The following HLA-DRB1 variants were observed in gnomAD, a reference collection of about 807,000 sequenced individuals.
The protein encoded by HLA-DRB1 is major histocompatibility complex, class II, DR beta 1.
In HLA-DRB1, 10 loss-of-function variants were observed where a neutral mutation model predicts 27.9. That is an observed-to-expected ratio of 0.36 (90% confidence interval 0.22 to 0.61). The LOEUF (loss-of-function observed/expected upper bound fraction) is 0.61, where lower values mean the gene tolerates loss of function less well. Among genes scored for constraint, HLA-DRB1 ranks in the 20% least tolerant of loss-of-function variants. HLA-DRB1 has a pLI of 0.73. For missense variants in HLA-DRB1, 118 were observed against 306.3 expected (o/e 0.39, Z 4.59); for synonymous variants, 57 against 126.7 (o/e 0.45, Z 3.69).
At chr6:32,580,519 G>C (rs28732261) in intron 4 of HLA-DRB1, among the ~76,000 whole-genome samples, 10,223 of 105,046 alleles carry the variant, frequency 0.097, 839 homozygotes, top group East Asian at 0.12. Flanking sequence ...CAAACCAAAG[G>C]ACCCCTACTT....
chr6:32,583,647 A>T (rs28724061), intron 2 of HLA-DRB1, among the ~76,000 whole-genome samples: 21 of 60,168 alleles, frequency 3.5e-4, no homozygotes, highest in South Asian at 1.7e-3. Context: ...GAGAGTCTGG[A>T]ACTGGCCTCC....
chr6:32,588,154 T>A (rs28724171), intron 1 of HLA-DRB1, among the ~76,000 whole-genome samples: 4,253 of 121,212 alleles, frequency 0.035, no homozygotes, highest in Admixed American at 0.069. Flanking sequence ...GAAATTTTTT[T>A]ATTAAGAGTC....
intron 1 of HLA-DRB1, among the ~76,000 whole-genome samples, chr6:32,586,921 C>G (rs117528258): frequency 0.095 from 9,079 of 95,286 alleles, 173 homozygotes; most frequent in Middle Eastern, 0.2. Flanking sequence ...AAATACATGC[C>G]AAGTCTGTCC....
At position 32,579,236 on chromosome 6, in the gene HLA-DRB1, T is replaced by C. The variant is rs1472652961; in HGVS notation, c.788-132A>G. 127 of 220,510 alleles carry C rather than the reference T, an allele frequency of 5.8e-4. 44 individuals are homozygous for C. The highest frequency in any genetic ancestry group is 6.7e-5 in the Non-Finnish European group (9 of 134,954). The allele number at this position is 220,510 out of a possible 1,614,324, so 13.7% of individuals were successfully genotyped here. A position where few individuals can be genotyped will look rare whatever the true frequency, so the allele number is the denominator to read the frequency against. On this transcript the variant is annotated intron_variant, in intron 5 of 5. Transcript: ENST00000360004. ...AGTTCCTGAGTCTCCCCTGAGCCAA[T>C]AGTCCCGCAGAGCACACCTTTTCTA...
chr6:32,581,224 A>C (rs9269783), intron 3 of HLA-DRB1, among the ~76,000 whole-genome samples: 19,282 of 49,142 alleles, frequency 0.39, 6,158 homozygotes, highest in Middle Eastern at 0.62. Context: ...CAGATCACAA[A>C]AAATAACTCA....
intron 4 of HLA-DRB1, among the ~76,000 whole-genome samples, 169 bp from the exon 5 acceptor site, chr6:32,580,439 A>T (rs36023480): frequency 3.8e-3 from 427 of 113,034 alleles, no homozygotes; most frequent in East Asian, 6.7e-3. Flanking sequence ...TGAAGCCTGA[A>T]GTGTCTGTCA....
chr6:32,580,900 A>T, intron 3 of HLA-DRB1, 44 bp from the exon 4 acceptor site: 2 of 1,447,782 alleles, frequency 1.4e-6, no homozygotes, highest in Middle Eastern at 1.8e-4. Flanking sequence ...TCCAAATTGA[A>T]CCTTTTTACT....
chr6:32,587,494 C>T (rs28724145), intron 1 of HLA-DRB1, among the ~76,000 whole-genome samples: 1 of 16,474 alleles, frequency 6.1e-5, no homozygotes. Context: ...CTGTGTCCTA[C>T]CCTCATCTTC....
At chr6:32,588,162 G>C (rs28724172) in intron 1 of HLA-DRB1, among the ~76,000 whole-genome samples, 1 of 131,948 alleles carries the variant, frequency 7.6e-6, no homozygotes, top group Non-Finnish European at 1.6e-5. Context: ...TTTATTAAGA[G>C]TCATCTCTTT....
chr6:32,582,929 TG>T (rs796644279), intron 2 of HLA-DRB1, among the ~76,000 whole-genome samples: 29,940 of 130,512 alleles, frequency 0.23, 2,992 homozygotes, highest in East Asian at 0.32. Context: ...AGATTTCAGA[TG>T]GATTGTAGAT....
In HLA-DRB1 at chr6:32,584,609, C is replaced by CT. The variant is rs1776116807; in HGVS notation, c.101-232_101-231insA. 5.6e-3 allele frequency among the ~76,000 whole-genome samples: 765 copies of CT among 136,916 alleles called. 3 individuals are homozygous for CT. Among genetic ancestry groups the CT allele is most frequent in the African/African-American group, 0.02 (701 of 34,884 alleles). 89.8% of individuals were successfully genotyped at this position (136,916 alleles called of 152,430 possible). On this transcript the variant is annotated intron_variant, in intron 1 of 5. Coordinates refer to ENST00000360004, the Ensembl canonical transcript of HLA-DRB1. ...CTTCTCATCCCCAGGCTTTTGGGAC[C>CT]CCCTCCCTGCCTCCAGCCTGTTCTG...
At chr6:32,585,710 A>C (rs9270037) in intron 1 of HLA-DRB1, among the ~76,000 whole-genome samples, 431 of 94,438 alleles carry the variant, frequency 4.6e-3, no homozygotes, top group East Asian at 6.4e-3. Flanking sequence ...ATAATGCAGT[A>C]TACCTAAACC....
chr6:32,589,808 A>AGCC (rs199616059), exon 1 of HLA-DRB1: 237 of 278,846 alleles, frequency 8.5e-4, no homozygotes, highest in Admixed American at 2.1e-3. Context: ...AGAACTATGA[A>AGCC]CCCCTCCACC....
At chr6:32,587,777 C>A (rs9270160) in intron 1 of HLA-DRB1, among the ~76,000 whole-genome samples, 3,423 of 98,070 alleles carry the variant, frequency 0.035, 196 homozygotes, top group East Asian at 0.049. Flanking sequence ...GACTCTCTAA[C>A]ATTATCTTCT....
intron 2 of HLA-DRB1, among the ~76,000 whole-genome samples, chr6:32,583,573 T>A (rs9269910): frequency 0.45 from 22,608 of 50,262 alleles, 9,734 homozygotes; most frequent in Admixed American, 0.49. Flanking sequence ...AATTAATCTA[T>A]TGCTTTTACA....
At chr6:32,588,855 A>T (rs9270220) in intron 1 of HLA-DRB1, among the ~76,000 whole-genome samples, 542 of 121,678 alleles carry the variant, frequency 4.5e-3, no homozygotes, top group Middle Eastern at 0.013. Context: ...GTTAGAGCAC[A>T]TAGGAGATGC....
At chr6:32,586,276 C>T (rs368966973) in intron 1 of HLA-DRB1, among the ~76,000 whole-genome samples, 2,503 of 89,776 alleles carry the variant, frequency 0.028, 18 homozygotes, top group Admixed American at 0.049. Flanking sequence ...CTACTCAAAA[C>T]AGTCAACCTT....
chr6:32,582,458 A>G (rs35971290), intron 2 of HLA-DRB1, among the ~76,000 whole-genome samples: 30,077 of 107,746 alleles, frequency 0.28, 3,841 homozygotes, highest in East Asian at 0.35. Context: ...AGCAATATGC[A>G]TAGATAAAGG....
At chr6:32,588,162 G>T (rs28724172) in intron 1 of HLA-DRB1, among the ~76,000 whole-genome samples, 8,490 of 113,092 alleles carry the variant, frequency 0.075, no homozygotes, top group Admixed American at 0.12. Flanking sequence ...TTTATTAAGA[G>T]TCATCTCTTT....
Sources: allele counts gnomAD v4.1 joint callset (sites outside exome capture counted in the v4.1 genomes callset), GRCh38; gene constraint gnomAD v4.1.1; transcripts MANE v1.5; gene names NCBI Gene and HGNC (gene_info 2026-07-23, HGNC 2026-07-21).